The following LDLRAD3 variants were observed in gnomAD, a reference collection of about 807,000 sequenced individuals.
The protein encoded by LDLRAD3 is low-density lipoprotein receptor class A domain-containing protein 3.
A neutral mutation model predicts 29.4 loss-of-function variants in LDLRAD3; 20 were observed. That is an observed-to-expected ratio of 0.68 (90% CI 0.48 to 0.99). The LOEUF is 0.99. Among genes scored for constraint, LDLRAD3 ranks in the 50% least tolerant of loss-of-function variants. The probability of loss-of-function intolerance (pLI) is 0.00; values close to 1 mark genes in which losing one functional copy is unlikely to be tolerated. For synonymous variants in LDLRAD3, 157 were observed against 192.7 expected (o/e 0.81, Z 1.53); for missense variants, 420 against 454.3 (o/e 0.92, Z 0.69).
rs1188296632 is a variant in LDLRAD3, at chr11:36,231,527, A to G, written c.*2130A>G. ...CTTTCTGGTGCTCTGGAAGTTGTTT[A>G]GAGGAAAGAATTCTAATTTTAATTA... On this transcript the variant is annotated 3_prime_UTR_variant, in exon 6 of 6. Transcript: ENST00000315571. 1 of 152,132 alleles carries G rather than the reference A, an allele frequency of 6.6e-6. No homozygotes were observed. Among genetic ancestry groups the G allele is most frequent in the Non-Finnish European group, 1.5e-5 (1 of 68,024 alleles). The allele number at this position is 152,132 out of a possible 1,614,324, so 9.4% of individuals were successfully genotyped here.
intron 2 of LDLRAD3, among the ~76,000 whole-genome samples, chr11:36,051,905 T>C (rs913241422): frequency 6.6e-6 from 1 of 152,214 alleles, no homozygotes; most frequent in African/African-American, 2.4e-5. Context: ...TTCTAAACTG[T>C]GCTTGATGGG....
chr11:36,034,139 G>T (rs2133208437), intron 1 of LDLRAD3, among the ~76,000 whole-genome samples: 1 of 152,158 alleles, frequency 6.6e-6, no homozygotes, highest in African/African-American at 2.4e-5. Context: ...CTCTTTCTCG[G>T]AATCTTTTTT....
chr11:36,148,329 G>A (rs940215274), intron 4 of LDLRAD3, among the ~76,000 whole-genome samples: 2 of 152,088 alleles, frequency 1.3e-5, no homozygotes, highest in African/African-American at 4.8e-5. Flanking sequence ...ATCTGGAAGC[G>A]GGAAGGAGAC....
chr11:36,150,674 G>A (rs373573316), intron 4 of LDLRAD3, among the ~76,000 whole-genome samples: 42 of 152,292 alleles, frequency 2.8e-4, no homozygotes, highest in African/African-American at 9.9e-4. Context: ...AGAATGGTGT[G>A]AACCCAGGAG....
At chr11:36,130,787 A>G (rs1853914604) in intron 4 of LDLRAD3, among the ~76,000 whole-genome samples, 2 of 152,158 alleles carry the variant, frequency 1.3e-5, no homozygotes, top group African/African-American at 4.8e-5. Context: ...AGTGGTAGGT[A>G]GAGGCTGAGG....
intron 3 of LDLRAD3, among the ~76,000 whole-genome samples, chr11:36,083,101 A>G (rs1853140638): frequency 6.6e-6 from 1 of 152,238 alleles, no homozygotes; most frequent in Non-Finnish European, 1.5e-5. Context: ...CCCAACACAT[A>G]CACAGCTTCT....
chr11:36,109,696 TAGG>T (rs1853580551), intron 4 of LDLRAD3, among the ~76,000 whole-genome samples: 1 of 152,106 alleles, frequency 6.6e-6, no homozygotes, highest in Admixed American at 6.5e-5. Context: ...GGGCATGTGA[TAGG>T]AGAAGTGCTA....
At chr11:36,226,290 G>C (rs991809795) in intron 4 of LDLRAD3, among the ~76,000 whole-genome samples, 1 of 152,126 alleles carries the variant, frequency 6.6e-6, no homozygotes, top group African/African-American at 2.4e-5. Context: ...GTTTTGAGGG[G>C]CTGGGATTTG....
intron 4 of LDLRAD3, among the ~76,000 whole-genome samples, chr11:36,148,305 C>G (rs1247380294): frequency 1.3e-5 from 2 of 152,174 alleles, no homozygotes; most frequent in Non-Finnish European, 1.5e-5. Flanking sequence ...AACCCCTGCC[C>G]TGTCACTTTA....
chr11:36,187,594 G>A lies in LDLRAD3; in HGVS notation c.455-39491G>A, dbSNP rs1453078865. ...GGTGGACATACAGCTCAGCTGAGAAGCAGACACATTGTGAAATGGACTCCC... is the reference window on the plus strand; with the variant it reads ...GGTGGACATACAGCTCAGCTGAGAAACAGACACATTGTGAAATGGACTCCC... On this transcript the variant is annotated intron_variant, in intron 4 of 5. Transcript: ENST00000315571. Among the ~76,000 whole-genome samples the A allele has an allele frequency of 2.6e-5, 4 of 152,262 alleles. No homozygotes were observed. The East Asian group carries it at 5.8e-4, about 22-fold the overall frequency.
intron 4 of LDLRAD3, among the ~76,000 whole-genome samples, chr11:36,189,385 G>A (rs1854904139): frequency 6.6e-6 from 1 of 152,050 alleles, no homozygotes; most frequent in Non-Finnish European, 1.5e-5. Flanking sequence ...ATGAGAGGCT[G>A]AGGCAGGAGA....
chr11:35,998,772 A>G (rs551901607), intron 1 of LDLRAD3, among the ~76,000 whole-genome samples: 110 of 152,320 alleles, frequency 7.2e-4, no homozygotes, highest in Middle Eastern at 3.4e-3. Flanking sequence ...TAGAGCGGTT[A>G]TTGCTTTTGT....
In LDLRAD3 at chr11:36,110,119, A is replaced by G. The variant is rs887410917; in HGVS notation, c.454+11658A>G. ...GGTGGGGTTTTCTTCTTAGTAATAGAGTGTTTGCATGACAAAAGCTTCCTT... is the reference window on the plus strand; with the variant it reads ...GGTGGGGTTTTCTTCTTAGTAATAGGGTGTTTGCATGACAAAAGCTTCCTT... On this transcript the variant is annotated intron_variant, in intron 4 of 5. Transcript: ENST00000315571. 32 of 152,174 alleles carry G rather than the reference A, an allele frequency of 2.1e-4. 1 individual carries two copies. The highest frequency in any genetic ancestry group is 1.5e-5 in the Non-Finnish European group (1 of 68,046). 9.4% of individuals were successfully genotyped at this position (152,174 alleles called of 1,614,324 possible).
At position 36,155,797 on chromosome 11, in the gene LDLRAD3, C is replaced by T. The variant is rs367596167; in HGVS notation, c.454+57336C>T. 4.1e-4 allele frequency among the ~76,000 whole-genome samples: 63 copies of T among 152,218 alleles called. No individual in the cohort carries two copies. The East Asian group carries it at 8.3e-3, about 20-fold the overall frequency. ...AGTAGGTGCGTAGCAAGATTTTTTTCAATGGAAACTAGAGTGGGATGCGCC... is the reference window on the plus strand; with the variant it reads ...AGTAGGTGCGTAGCAAGATTTTTTTTAATGGAAACTAGAGTGGGATGCGCC... On this transcript the variant is annotated intron_variant, in intron 4 of 5. Coordinates refer to ENST00000315571, the MANE Select transcript of LDLRAD3 (RefSeq NM_174902.4).
intron 1 of LDLRAD3, among the ~76,000 whole-genome samples, chr11:35,960,274 C>T (rs568256389): frequency 6.6e-6 from 1 of 152,278 alleles, no homozygotes; most frequent in Admixed American, 6.5e-5. Flanking sequence ...TATGAATATA[C>T]TACACTTTGC....
At chr11:36,190,357 G>C (rs1565290744) in intron 4 of LDLRAD3, among the ~76,000 whole-genome samples, 1 of 152,126 alleles carries the variant, frequency 6.6e-6, no homozygotes. Context: ...TATATTAGTT[G>C]GGTGTGGCGG....
intron 1 of LDLRAD3, among the ~76,000 whole-genome samples, chr11:36,028,983 G>A (rs753654791): frequency 3.3e-5 from 5 of 152,158 alleles, no homozygotes; most frequent in Admixed American, 6.5e-5. Context: ...AGTGGCTCAC[G>A]CCTGTAATCC....
At chr11:36,034,605 C>A (rs1178450890) in intron 1 of LDLRAD3, among the ~76,000 whole-genome samples, 1 of 152,188 alleles carries the variant, frequency 6.6e-6, no homozygotes, top group African/African-American at 2.4e-5. Flanking sequence ...AGGGAAATTC[C>A]ATGCAACAAG....
intron 4 of LDLRAD3, among the ~76,000 whole-genome samples, chr11:36,208,740 T>C (rs924562597): frequency 6.8e-6 from 1 of 147,590 alleles, no homozygotes; most frequent in African/African-American, 2.6e-5. Context: ...TTGTAATTAT[T>C]GAAATGTAGA....
Sources: allele counts gnomAD v4.1 joint callset (sites outside exome capture counted in the v4.1 genomes callset), GRCh38; gene constraint gnomAD v4.1.1; transcripts MANE v1.5; gene names NCBI Gene and HGNC (gene_info 2026-07-23, HGNC 2026-07-21).